Variants in KANSL1 observed in about 807,000 individuals in gnomAD.
The protein encoded by KANSL1 is KAT8 regulatory NSL complex subunit 1.
Under a neutral mutation model 103.6 loss-of-function variants are expected in KANSL1, and 22 were observed. That is an observed-to-expected ratio of 0.21 (90% CI 0.15 to 0.30). The LOEUF is 0.30. Among genes scored for constraint, KANSL1 ranks in the 10% least tolerant of loss-of-function variants. The pLI is 1.00. For synonymous variants in KANSL1, 600 were observed against 527.6 expected (o/e 1.14, Z -1.88); for missense variants, 1,337 against 1,399.8 (o/e 0.96, Z 0.72).
intron 2 of KANSL1, among the ~76,000 whole-genome samples, chr17:46,100,382 G>A (rs1317694208): frequency 1.3e-5 from 2 of 150,106 alleles, no homozygotes; most frequent in Non-Finnish European, 1.5e-5. Context: ...GGAGGCTGCC[G>A]TGGGCCCAGA....
In KANSL1 at chr17:46,053,317, A is replaced by T. The variant is rs897644857; in HGVS notation, c.1849-2613T>A. Among the ~76,000 whole-genome samples, 12 of 152,098 alleles carry T rather than the reference A, an allele frequency of 7.9e-5. No homozygotes were observed. The East Asian group carries it at 2.3e-3, about 29-fold the overall frequency. The stretch of plus-strand genomic sequence containing the variant: ...TTTAAAAATTTAAAAAAATAAAATA[A>T]AGGGTAGAAATTCTACTTATAACTT... On this transcript the variant is annotated intron_variant, in intron 6 of 14. Coordinates refer to ENST00000432791, the MANE Select transcript of KANSL1 (RefSeq NM_015443.4).
intron 2 of KANSL1, among the ~76,000 whole-genome samples, chr17:46,096,607 A>C (rs2042096906): frequency 6.6e-6 from 1 of 151,622 alleles, no homozygotes; most frequent in South Asian, 2.1e-4. Flanking sequence ...GGCACGAGCC[A>C]CTGCACCCAG....
chr17:46,101,611 G>A (rs796217683), intron 2 of KANSL1, among the ~76,000 whole-genome samples: 3 of 151,844 alleles, frequency 2.0e-5, no homozygotes, highest in South Asian at 4.2e-4. Context: ...AAAATTAGCC[G>A]GGCTTAGTAG....
upstream of KANSL1, among the ~76,000 whole-genome samples, chr17:46,194,863 A>G (rs994552514): frequency 6.6e-5 from 10 of 152,230 alleles, no homozygotes; most frequent in African/African-American, 2.4e-4. Flanking sequence ...ACACTAACTC[A>G]CCTGCCCCTG....
intron 2 of KANSL1, among the ~76,000 whole-genome samples, chr17:46,113,700 T>A (rs2042921334): frequency 6.6e-6 from 1 of 152,088 alleles, no homozygotes; most frequent in African/African-American, 2.4e-5. Context: ...TTTATGATCA[T>A]CTGCATGAAG....
At chr17:46,082,095 T>G (rs1033052989) in intron 4 of KANSL1, among the ~76,000 whole-genome samples, 1 of 152,136 alleles carries the variant, frequency 6.6e-6, no homozygotes, top group African/African-American at 2.4e-5. Flanking sequence ...ATGAAAAGGC[T>G]ATAATATATT....
intron 2 of KANSL1, among the ~76,000 whole-genome samples, chr17:46,109,381 CACTT>C (rs1348458409): frequency 6.6e-6 from 1 of 152,122 alleles, no homozygotes; most frequent in Non-Finnish European, 1.5e-5. Flanking sequence ...TTTTGCAAAC[CACTT>C]ACTAACAGAA....
Position 46,171,047 on chromosome 17 carries a change from C to T in KANSL1, c.1097G>A (p.Gly366Glu). 1.2e-6 allele frequency: 2 copies of T among 1,614,162 alleles called. No homozygotes were observed. Among genetic ancestry groups the T allele is most frequent in the Non-Finnish European group, 1.7e-6 (2 of 1,180,038 alleles). Residue 366 changes from glycine to glutamate, a missense_variant, in exon 2 of 15, where the codon GGA becomes GAA. Around this residue, in one of 2 missense-constraint regions of KANSL1, gnomAD observed 557 missense variants for 476.4 expected, o/e 1.17. Coordinates refer to ENST00000432791, the MANE Select transcript of KANSL1 (RefSeq NM_015443.4). ...ATTGCTTTTCAGAAAGTTGCTAAGT[C>T]CCTCTGAAGTGGTGGTCTCACTGGC... is the stretch of plus-strand genomic sequence containing the variant. ...KAASETTTSE[G>E]LSNFLKSNSI...
chr17:46,095,016 A>C (rs2042001850), intron 2 of KANSL1, among the ~76,000 whole-genome samples: 1 of 152,242 alleles, frequency 6.6e-6, no homozygotes, highest in Non-Finnish European at 1.5e-5. Flanking sequence ...AACATACATT[A>C]AGAATAATCT....
intron 2 of KANSL1, among the ~76,000 whole-genome samples, chr17:46,114,074 C>A (rs1281326261): frequency 6.6e-6 from 1 of 152,002 alleles, no homozygotes; most frequent in Non-Finnish European, 1.5e-5. Flanking sequence ...GAAAAAGATG[C>A]TCAGGGCCAG....
At chr17:46,178,597 G>A (rs536775044) in intron 1 of KANSL1, among the ~76,000 whole-genome samples, 3 of 152,302 alleles carry the variant, frequency 2.0e-5, no homozygotes, top group Admixed American at 1.3e-4. Flanking sequence ...ACCTATTCAA[G>A]GTCATTTAGC....
intron 1 of KANSL1, among the ~76,000 whole-genome samples, chr17:46,219,779 T>C (rs1330791023): frequency 1.3e-5 from 2 of 152,376 alleles, no homozygotes; most frequent in East Asian, 3.9e-4. Context: ...TGGGCCCTTT[T>C]GCGTGTGTAT....
intron 2 of KANSL1, among the ~76,000 whole-genome samples, chr17:46,115,295 G>A (rs2042995443): frequency 6.6e-6 from 1 of 152,130 alleles, no homozygotes; most frequent in African/African-American, 2.4e-5. Flanking sequence ...GCTGACCTCA[G>A]GTGATCCACC....
chr17:46,150,154 T>A (rs2045011490), intron 2 of KANSL1, among the ~76,000 whole-genome samples: 1 of 151,502 alleles, frequency 6.6e-6, no homozygotes, highest in Non-Finnish European at 1.5e-5. Flanking sequence ...ACCTTGGTCA[T>A]TTCCTTTTTC....
chr17:46,067,814 A>G, intron 4 of KANSL1, 147 bp from the exon 5 acceptor site: 2 of 589,766 alleles, frequency 3.4e-6, no homozygotes, highest in South Asian at 2.0e-5. Flanking sequence ...GAAAAAGAAA[A>G]TAAGAGAATC....
intron 6 of KANSL1, among the ~76,000 whole-genome samples, chr17:46,062,255 T>C (rs551387188): frequency 6.6e-6 from 1 of 152,002 alleles, no homozygotes; most frequent in African/African-American, 2.4e-5. Context: ...CCTATTTATT[T>C]ACTGATAGAT....
At chr17:46,158,851 T>C (rs956156349) in intron 2 of KANSL1, among the ~76,000 whole-genome samples, 1 of 152,230 alleles carries the variant, frequency 6.6e-6, no homozygotes, top group African/African-American at 2.4e-5. Flanking sequence ...AAGAGACTTA[T>C]TTCTGAAGCA....
intron 2 of KANSL1, among the ~76,000 whole-genome samples, chr17:46,154,111 G>A (rs2045282318): frequency 6.6e-6 from 1 of 152,212 alleles, no homozygotes; most frequent in African/African-American, 2.4e-5. Context: ...GTCTAGTTTG[G>A]CAGGAGTGGG....
chr17:46,117,012 T>A (rs2147154000), intron 2 of KANSL1, among the ~76,000 whole-genome samples: 1 of 152,206 alleles, frequency 6.6e-6, no homozygotes, highest in South Asian at 2.1e-4. Flanking sequence ...AAGAAAAAAA[T>A]TTTTATGAGG....
Sources: gnomAD v4.1 joint callset for allele counts (sites outside exome capture counted in the v4.1 genomes callset) on GRCh38, gnomAD v4.1.1 for gene constraint, gnomAD v4.1.1 regional missense constraint, MANE v1.5 for transcripts, NCBI Gene and HGNC (gene_info 2026-07-23, HGNC 2026-07-21) for gene names.